The following MECOM variants were observed in gnomAD, a reference collection of about 807,000 sequenced individuals.
MECOM encodes histone-lysine N-methyltransferase MECOM.
Under a neutral mutation model 116.3 loss-of-function variants are expected in MECOM, and 13 were observed. That is an observed-to-expected ratio of 0.11 (90% CI 0.07 to 0.18). The LOEUF is 0.18. Ranked by LOEUF, MECOM falls within the 10% of genes least tolerant of loss-of-function variation. MECOM has a pLI of 1.00. For synonymous variants in MECOM, 528 were observed against 535.2 expected (o/e 0.99, Z 0.19); for missense variants, 1,299 against 1,509.0 (o/e 0.86, Z 2.31).
In MECOM at chr3:169,663,505, T is replaced by G; in HGVS notation, c.-133A>C. On this transcript the variant is annotated 5_prime_UTR_variant, in exon 1 of 17. Transcript: ENST00000651503. The stretch of plus-strand genomic sequence containing the variant: ...CTCTCTCTCTCTCTCTCTCTCTCTC[T>G]CTCTCTCTCTCTCTCTCTCTCTCTC... 1 of 667,100 alleles carries G rather than the reference T, an allele frequency of 1.5e-6. No individual in the cohort carries two copies. Among genetic ancestry groups the G allele is most frequent in the Non-Finnish European group, 2.6e-6 (1 of 378,536 alleles). The allele number at this position is 667,100 out of a possible 1,614,324, so 41.3% of individuals were successfully genotyped here. A position where few individuals can be genotyped will look rare whatever the true frequency, so the allele number is the denominator to read the frequency against.
At chr3:169,508,343 A>G (rs1755551376) in intron 1 of MECOM, among the ~76,000 whole-genome samples, 1 of 152,186 alleles carries the variant, frequency 6.6e-6, no homozygotes, top group South Asian at 2.1e-4. Flanking sequence ...GGTGGGACAC[A>G]GTAAACTGGT....
At chr3:169,389,253 G>T (rs1188669866) in intron 1 of MECOM, among the ~76,000 whole-genome samples, 6 of 152,202 alleles carry the variant, frequency 3.9e-5, no homozygotes, top group Non-Finnish European at 1.5e-5. Context: ...GTAATGGAAA[G>T]AAATTGCTAG....
intron 2 of MECOM, among the ~76,000 whole-genome samples, chr3:169,207,467 TATAAG>T (rs1750090991): frequency 6.6e-6 from 1 of 152,204 alleles, no homozygotes; most frequent in East Asian, 1.9e-4. Context: ...ATAATATAGA[TATAAG>T]AAAAGATCAT....
rs533921148 is a variant in MECOM, at chr3:169,109,409, T to A, written c.2578-1457A>T. ...CATCTTTTAATTTTGATGTATGCAT[T>A]CATGTATCTTTTTTTTTTTTTTGAG... is the stretch of plus-strand genomic sequence containing the variant. On this transcript the variant is annotated intron_variant, in intron 9 of 16. Transcript: ENST00000651503. 7.3e-3 allele frequency among the ~76,000 whole-genome samples: 973 copies of A among 133,234 alleles called. 4 individuals are homozygous for A. The highest frequency in any genetic ancestry group is 0.015 in the South Asian group (62 of 4,212). The allele number at this position is 133,234 out of a possible 152,430, so 87.4% of individuals were successfully genotyped here.
intron 1 of MECOM, among the ~76,000 whole-genome samples, chr3:169,457,248 G>A (rs891113005): frequency 4.6e-5 from 7 of 152,238 alleles, no homozygotes; most frequent in Admixed American, 1.3e-4. Flanking sequence ...ATGGGGCAGC[G>A]CTTAGGAGAG....
intron 1 of MECOM, among the ~76,000 whole-genome samples, chr3:169,628,443 CTCA>C (rs1771653555): frequency 6.6e-6 from 1 of 152,184 alleles, no homozygotes; most frequent in Admixed American, 6.5e-5. Flanking sequence ...AGAGGTTACA[CTCA>C]TCATTTTATT....
chr3:169,089,049 TGGG>T lies in MECOM; in HGVS notation c.3533_3535del (p.Ser1178_His1179delinsTyr). The T allele has an allele frequency of 6.2e-7, 1 of 1,607,678 alleles. No homozygotes were observed. The highest frequency in any genetic ancestry group is 8.5e-7 in the Non-Finnish European group (1 of 1,177,646). The stretch of plus-strand genomic sequence containing the variant: ...CGGCTGCTTAAGTTCCTCTGGCACA[TGGG>T]AAGTACTAAAAGAAGACAGCTCAGC... On this transcript the variant is annotated inframe_deletion, in exon 16 of 17. Transcript: ENST00000651503.
intron 1 of MECOM, among the ~76,000 whole-genome samples, chr3:169,474,528 A>G (rs1281962487): frequency 6.6e-6 from 1 of 152,172 alleles, no homozygotes; most frequent in East Asian, 1.9e-4. Context: ...TATAAATTAT[A>G]TTGTTACAAT....
chr3:169,533,275 TG>T (rs1758880571), intron 1 of MECOM, among the ~76,000 whole-genome samples: 1 of 152,216 alleles, frequency 6.6e-6, no homozygotes, highest in Non-Finnish European at 1.5e-5. Context: ...TATCAAGACC[TG>T]GTGTGTAGTA....
chr3:169,538,964 G>A (rs1759729116), intron 1 of MECOM, among the ~76,000 whole-genome samples: 1 of 151,608 alleles, frequency 6.6e-6, no homozygotes, highest in East Asian at 1.9e-4. Flanking sequence ...GAAGACTCAA[G>A]TCCTGTAAAT....
intron 1 of MECOM, among the ~76,000 whole-genome samples, chr3:169,450,751 C>T (rs963942135): frequency 3.3e-5 from 5 of 152,100 alleles, no homozygotes; most frequent in Admixed American, 1.3e-4. Flanking sequence ...CTTCCTTACA[C>T]GTACATACCA....
At chr3:169,403,866 T>C (rs1736254745) in intron 1 of MECOM, among the ~76,000 whole-genome samples, 1 of 152,210 alleles carries the variant, frequency 6.6e-6, no homozygotes, top group Non-Finnish European at 1.5e-5. Context: ...AAATTTTAAG[T>C]ATATTTTCTT....
intron 1 of MECOM, among the ~76,000 whole-genome samples, chr3:169,562,744 TG>T (rs529219950): frequency 1.1e-3 from 160 of 152,116 alleles, no homozygotes; most frequent in African/African-American, 3.7e-3. Context: ...TTCAACAGTC[TG>T]GGGGGCTGCT....
chr3:169,372,670 T>C (rs1185864123), intron 2 of MECOM, among the ~76,000 whole-genome samples: 2 of 152,038 alleles, frequency 1.3e-5, no homozygotes, highest in Admixed American at 6.6e-5. Flanking sequence ...ATGCTAGATC[T>C]GCATTTTAGC....
At chr3:169,246,027 C>A (rs1245603631) in intron 2 of MECOM, among the ~76,000 whole-genome samples, 3 of 152,042 alleles carry the variant, frequency 2.0e-5, no homozygotes, top group Non-Finnish European at 4.4e-5. Flanking sequence ...TAGATATTGA[C>A]CCTGATTCTG....
intron 1 of MECOM, among the ~76,000 whole-genome samples, chr3:169,464,276 T>G (rs1747925270): frequency 6.6e-6 from 1 of 152,142 alleles, no homozygotes; most frequent in Admixed American, 6.6e-5. Flanking sequence ...TCAAAACAGT[T>G]GTCTGTTAAA....
chr3:169,136,099 A>C (rs1736275412), intron 3 of MECOM, among the ~76,000 whole-genome samples: 1 of 151,734 alleles, frequency 6.6e-6, no homozygotes, highest in African/African-American at 2.4e-5. Flanking sequence ...AAGCAATTCC[A>C]AATGCAAAGA....
At chr3:169,218,598 C>T (rs1224264940) in intron 2 of MECOM, among the ~76,000 whole-genome samples, 1 of 152,124 alleles carries the variant, frequency 6.6e-6, no homozygotes, top group Non-Finnish European at 1.5e-5. Flanking sequence ...AAGCCTGTAA[C>T]CTGTGGTCTC....
intron 1 of MECOM, among the ~76,000 whole-genome samples, chr3:169,414,538 A>G (rs1738189775): frequency 6.6e-6 from 1 of 152,210 alleles, no homozygotes; most frequent in African/African-American, 2.4e-5. Flanking sequence ...AATGAGTTTG[A>G]TGAATTGACA....
Sources: allele counts gnomAD v4.1 joint callset (sites outside exome capture counted in the v4.1 genomes callset), GRCh38; gene constraint gnomAD v4.1.1; transcripts MANE v1.5; gene names NCBI Gene and HGNC (gene_info 2026-07-23, HGNC 2026-07-21).